The following COG5 variants were observed in gnomAD, a reference collection of about 807,000 sequenced individuals.
The protein encoded by COG5 is component of oligomeric golgi complex 5, also known as conserved oligomeric Golgi complex subunit 5.
COG5 carries 86 observed loss-of-function variants against 110.4 expected under a neutral mutation model. The ratio of observed to expected loss-of-function variants is 0.78; its 90% CI spans 0.65 to 0.93. COG5 has a LOEUF of 0.93. COG5 is among the 40% of genes least tolerant of loss of function. The probability of loss-of-function intolerance (pLI) is 0.00; values close to 1 mark genes in which losing one functional copy is unlikely to be tolerated. For missense variants in COG5, 1,077 were observed against 987.0 expected, an observed-to-expected ratio of 1.09 and a Z score of -1.22; for synonymous variants, 360 against 334.6, an observed-to-expected ratio of 1.08 and a Z score of -0.83.
intron 12 of COG5, among the ~76,000 whole-genome samples, chr7:107,288,293 T>TA (rs1490371095): frequency 6.6e-6 from 1 of 152,142 alleles, no homozygotes; most frequent in Non-Finnish European, 1.5e-5. Flanking sequence ...GCCGGAGAGT[T>TA]AGAGGATGCA....
intron 3 of COG5, among the ~76,000 whole-genome samples, chr7:107,552,655 G>A (rs1802996780): frequency 6.6e-6 from 1 of 152,136 alleles, no homozygotes; most frequent in African/African-American, 2.4e-5. Flanking sequence ...GTTGAGAAAA[G>A]GGAATGCTTA....
At chr7:107,527,625 C>T (rs1800871928) in intron 5 of COG5, among the ~76,000 whole-genome samples, 1 of 152,138 alleles carries the variant, frequency 6.6e-6, no homozygotes, top group African/African-American at 2.4e-5. Context: ...AACCACAAAC[C>T]TAAATAATCG....
intron 19 of COG5, among the ~76,000 whole-genome samples, chr7:107,225,861 G>C (rs978541916): frequency 8.5e-5 from 13 of 152,072 alleles, no homozygotes; most frequent in African/African-American, 2.9e-4. Context: ...TGGCCAACGT[G>C]GTGAAACCCC....
intron 11 of COG5, among the ~76,000 whole-genome samples, chr7:107,310,976 G>A (rs903245446): frequency 3.3e-5 from 5 of 151,404 alleles, no homozygotes; most frequent in East Asian, 1.9e-4. Flanking sequence ...TCAACATTCC[G>A]TTCTGTGGAT....
chr7:107,206,471 T>C (rs1327670360), intron 21 of COG5, among the ~76,000 whole-genome samples: 1 of 152,228 alleles, frequency 6.6e-6, no homozygotes, highest in African/African-American at 2.4e-5. Flanking sequence ...GGTAATATGC[T>C]TCTAGTTGGT....
At chr7:107,415,773 T>C (rs530316075) in intron 6 of COG5, among the ~76,000 whole-genome samples, 18 of 135,712 alleles carry the variant, frequency 1.3e-4, no homozygotes, top group East Asian at 4.3e-4. Context: ...TGTGTATATA[T>C]ACACACACAT....
chr7:107,440,174 T>C (rs1223766308), intron 6 of COG5, among the ~76,000 whole-genome samples: 2 of 152,220 alleles, frequency 1.3e-5, no homozygotes, highest in Admixed American at 6.5e-5. Context: ...AAACATTCTT[T>C]TAATCTTCTT....
chr7:107,559,693 T>A (rs1803622653), intron 1 of COG5, among the ~76,000 whole-genome samples: 1 of 152,250 alleles, frequency 6.6e-6, no homozygotes, highest in African/African-American at 2.4e-5. Flanking sequence ...TGGCTGCTTT[T>A]AAGTCTGAGA....
chr7:107,320,974 G>A (rs1562967245), intron 11 of COG5, among the ~76,000 whole-genome samples: 1 of 152,138 alleles, frequency 6.6e-6, no homozygotes, highest in Non-Finnish European at 1.5e-5. Context: ...ATTACCATCA[G>A]AAGGCACCTC....
At chr7:107,430,725 T>TTAA (rs1793972662) in intron 6 of COG5, among the ~76,000 whole-genome samples, 1 of 152,224 alleles carries the variant, frequency 6.6e-6, no homozygotes, top group South Asian at 2.1e-4. Context: ...GCTAGGCATA[T>TTAA]TAATGTACTC....
At chr7:107,509,191 G>C (rs1019977159) in intron 6 of COG5, among the ~76,000 whole-genome samples, 1 of 152,138 alleles carries the variant, frequency 6.6e-6, no homozygotes, top group Non-Finnish European at 1.5e-5. Context: ...CCAATGCAGA[G>C]AAGTCCTTAA....
chr7:107,502,111 A>G (rs1213036944), intron 6 of COG5, among the ~76,000 whole-genome samples: 1 of 152,150 alleles, frequency 6.6e-6, no homozygotes, highest in African/African-American at 2.4e-5. Flanking sequence ...TAGTACACCT[A>G]TCACACAAGT....
chr7:107,538,116 C>T (rs1480139810), intron 5 of COG5, among the ~76,000 whole-genome samples: 1 of 152,116 alleles, frequency 6.6e-6, no homozygotes, highest in Non-Finnish European at 1.5e-5. Flanking sequence ...ACCTGGAAGC[C>T]AGGTATGTTC....
intron 12 of COG5, among the ~76,000 whole-genome samples, chr7:107,296,712 G>T (rs985197168): frequency 4.0e-5 from 6 of 151,540 alleles, no homozygotes; most frequent in African/African-American, 1.5e-4. Context: ...TGCCCAGCAC[G>T]AGTCAGAACT....
At chr7:107,553,714 A>T (rs1803090630) in intron 3 of COG5, among the ~76,000 whole-genome samples, 1 of 152,220 alleles carries the variant, frequency 6.6e-6, no homozygotes, top group Admixed American at 6.5e-5. Context: ...ATAAAAATCC[A>T]ATTATTACTT....
chr7:107,207,981 A>T (rs752740874), intron 21 of COG5: 53 of 985,336 alleles, frequency 5.4e-5, no homozygotes, highest in Non-Finnish European at 6.1e-5. Context: ...AGAAGCTAAA[A>T]CAAATTTACT....
chr7:107,393,515 A>C (rs1790773108), intron 7 of COG5, among the ~76,000 whole-genome samples: 1 of 152,238 alleles, frequency 6.6e-6, no homozygotes, highest in South Asian at 2.1e-4. Context: ...GATAAGTAGC[A>C]TAATGCTAAC....
At chr7:107,513,906 G>C (rs1799725972) in intron 6 of COG5, among the ~76,000 whole-genome samples, 1 of 151,928 alleles carries the variant, frequency 6.6e-6, no homozygotes, top group East Asian at 1.9e-4. Flanking sequence ...TGTGGGGTGG[G>C]GGAAGAGGGG....
intron 5 of COG5, among the ~76,000 whole-genome samples, chr7:107,534,734 C>T (rs941380244): frequency 1.3e-5 from 2 of 151,118 alleles, no homozygotes; most frequent in East Asian, 1.9e-4. Context: ...ACATTAACAC[C>T]CCAATGTCAA....
Sources: allele counts gnomAD v4.1 joint callset (sites outside exome capture counted in the v4.1 genomes callset), GRCh38; gene constraint gnomAD v4.1.1; transcripts MANE v1.5; gene names NCBI Gene and HGNC (gene_info 2026-07-23, HGNC 2026-07-21).